The following GPHN variants were observed in gnomAD, a reference collection of about 807,000 sequenced individuals.
GPHN encodes gephyrin.
GPHN carries 17 observed loss-of-function variants against 95.5 expected under a neutral mutation model. That is an observed-to-expected ratio of 0.18 (90% CI 0.12 to 0.27). GPHN has a LOEUF of 0.27. GPHN is among the 10% of genes least tolerant of loss of function. The pLI is 1.00. For synonymous variants in GPHN, 320 were observed against 322.5 expected (o/e 0.99, Z 0.08); for missense variants, 660 against 978.1 (o/e 0.67, Z 4.34).
intron 2 of GPHN, among the ~76,000 whole-genome samples, chr14:66,745,386 T>C (rs2058100323): frequency 6.6e-6 from 1 of 152,072 alleles, no homozygotes; most frequent in Non-Finnish European, 1.5e-5. Context: ...ATTAAGGACA[T>C]TGTTCACCGT....
chr14:66,621,067 C>A (rs565353804), intron 1 of GPHN, among the ~76,000 whole-genome samples: 1 of 152,104 alleles, frequency 6.6e-6, no homozygotes, highest in African/African-American at 2.4e-5. Context: ...CGGGTTCACG[C>A]CATTCTCCTG....
chr14:67,288,462 C>A, the GPHN span, among the ~76,000 whole-genome samples: 1 of 152,124 alleles, frequency 6.6e-6, no homozygotes, highest in African/African-American at 2.4e-5. Flanking sequence ...GTGGACGAGG[C>A]AGGAAGATTT....
chr14:66,611,998 A>G (rs1253309294), intron 1 of GPHN, among the ~76,000 whole-genome samples: 1 of 152,028 alleles, frequency 6.6e-6, no homozygotes, highest in Non-Finnish European at 1.5e-5. Flanking sequence ...TTCATCCCCC[A>G]TCTACTTTTT....
chr14:67,641,634 A>G, the GPHN span, among the ~76,000 whole-genome samples: 1 of 152,186 alleles, frequency 6.6e-6, no homozygotes, highest in Non-Finnish European at 1.5e-5. Flanking sequence ...GCTATTTATA[A>G]AAGTTTATAA....
At chr14:67,555,477 C>T in the GPHN span, among the ~76,000 whole-genome samples, 1 of 152,092 alleles carries the variant, frequency 6.6e-6, no homozygotes, top group South Asian at 2.1e-4. Context: ...AGGAAAGGGG[C>T]CTCAGGAAGG....
At chr14:66,752,418 A>C (rs551626573) in intron 2 of GPHN, among the ~76,000 whole-genome samples, 1 of 152,120 alleles carries the variant, frequency 6.6e-6, no homozygotes, top group Admixed American at 6.6e-5. Flanking sequence ...TCTTCCTTTC[A>C]CTTGAATAGA....
At chr14:66,730,957 G>A (rs2071711771) in intron 2 of GPHN, among the ~76,000 whole-genome samples, 1 of 152,148 alleles carries the variant, frequency 6.6e-6, no homozygotes, top group South Asian at 2.1e-4. Flanking sequence ...TGGATAATGT[G>A]GGTGGTTTCC....
chr14:67,647,120 A>C, the GPHN span: 2 of 806,918 alleles, frequency 2.5e-6, no homozygotes, highest in Non-Finnish European at 4.0e-6. Context: ...TTAAAATACA[A>C]AGCAAAAACA....
At chr14:66,912,317 G>T (rs1219830147) in intron 5 of GPHN, among the ~76,000 whole-genome samples, 1 of 151,988 alleles carries the variant, frequency 6.6e-6, no homozygotes, top group African/African-American at 2.4e-5. Context: ...TCTTCAGGCA[G>T]AAGCTTAGAT....
the GPHN span, among the ~76,000 whole-genome samples, chr14:67,212,012 T>A: frequency 6.6e-5 from 10 of 152,296 alleles, no homozygotes; most frequent in South Asian, 2.1e-3. Flanking sequence ...GACCTTTTCA[T>A]GTTTCTTATA....
downstream of GPHN, among the ~76,000 whole-genome samples, chr14:67,185,145 G>T (rs1030644540): frequency 1.2e-4 from 18 of 152,156 alleles, no homozygotes; most frequent in African/African-American, 3.9e-4. Context: ...TGTGAAAAAA[G>T]AAAGACACAA....
the GPHN span, chr14:67,199,900 C>G: frequency 6.8e-7 from 1 of 1,481,442 alleles, no homozygotes; most frequent in Non-Finnish European, 9.0e-7. Flanking sequence ...GGCAGGAACC[C>G]CAGGGGCAGG....
intron 2 of GPHN, among the ~76,000 whole-genome samples, chr14:66,696,320 A>G (rs2068094395): frequency 6.6e-6 from 1 of 152,174 alleles, no homozygotes; most frequent in Non-Finnish European, 1.5e-5. Flanking sequence ...AAAAATGTAA[A>G]GTTTTGTTTT....
At chr14:67,443,809 T>C in the GPHN span, among the ~76,000 whole-genome samples, 72,674 of 151,800 alleles carry the variant, frequency 0.48, 19,395 homozygotes, top group African/African-American at 0.72. Context: ...GAATGGCATG[T>C]CCCCAGTTAA....
At chr14:67,533,940 G>C in the GPHN span, among the ~76,000 whole-genome samples, 1 of 152,136 alleles carries the variant, frequency 6.6e-6, no homozygotes, top group Non-Finnish European at 1.5e-5. Context: ...AGGGGCCTTA[G>C]TGGGGGTGGC....
intron 1 of GPHN, among the ~76,000 whole-genome samples, chr14:66,563,415 T>G (rs1458874001): frequency 6.6e-6 from 1 of 152,188 alleles, no homozygotes. Flanking sequence ...GTATTATTTT[T>G]GAATACTAGA....
the GPHN span, among the ~76,000 whole-genome samples, chr14:67,337,045 G>GTGTC: frequency 6.6e-6 from 1 of 152,124 alleles, no homozygotes; most frequent in African/African-American, 2.4e-5. Flanking sequence ...CAAGTTTCCT[G>GTGTC]TGTCTCCAAT....
At chr14:67,531,261 A>G in the GPHN span, among the ~76,000 whole-genome samples, 5 of 152,200 alleles carry the variant, frequency 3.3e-5, no homozygotes, top group Admixed American at 3.3e-4. Context: ...CTTAGGCAAC[A>G]GAGCAAGATC....
intron 11 of GPHN, among the ~76,000 whole-genome samples, chr14:67,088,280 T>C (rs1203243339): frequency 6.6e-6 from 1 of 152,164 alleles, no homozygotes; most frequent in Admixed American, 6.5e-5. Context: ...AACATAAATC[T>C]AACATTCTGA....
Sources: allele counts gnomAD v4.1 joint callset (sites outside exome capture counted in the v4.1 genomes callset), GRCh38; gene constraint gnomAD v4.1.1; transcripts MANE v1.5; gene names NCBI Gene and HGNC (gene_info 2026-07-23, HGNC 2026-07-21).